Variants in DOCK8 observed in about 807,000 individuals in gnomAD.
DOCK8 encodes dedicator of cytokinesis protein 8.
Under a neutral mutation model 245.6 loss-of-function variants are expected in DOCK8, and 141 were observed. The ratio of observed to expected loss-of-function variants is 0.57; its 90% confidence interval spans 0.50 to 0.66. The LOEUF (loss-of-function observed/expected upper bound fraction) is 0.66, where lower values mean the gene tolerates loss of function less well. Ranked by LOEUF, DOCK8 falls within the 30% of genes least tolerant of loss-of-function variation. The pLI, the probability that DOCK8 is intolerant of heterozygous loss-of-function variation, is 0.00. For missense variants in DOCK8, 2,965 were observed against 2,603.4 expected, an observed-to-expected ratio of 1.14 and a Z score of -3.02; for synonymous variants, 1,168 against 970.2, an observed-to-expected ratio of 1.20 and a Z score of -3.79.
chr9:261,986 A>G (rs1288742203), intron 1 of DOCK8, among the ~76,000 whole-genome samples: 5 of 136,028 alleles, frequency 3.7e-5, no homozygotes, highest in Non-Finnish European at 7.8e-5. Flanking sequence ...AAATGTGTCA[A>G]AAGAAAGAAG....
At chr9:431,987 A>G (rs1339091529) in intron 36 of DOCK8, among the ~76,000 whole-genome samples, 179 bp from the exon 37 acceptor site, 1 of 152,310 alleles carries the variant, frequency 6.6e-6, no homozygotes, top group Admixed American at 6.5e-5. Flanking sequence ...AACCATTTAA[A>G]CAACAATATG....
intron 4 of DOCK8, among the ~76,000 whole-genome samples, chr9:289,968 C>G (rs2048972464): frequency 6.6e-6 from 1 of 152,160 alleles, no homozygotes; most frequent in South Asian, 2.1e-4. Flanking sequence ...TGTGTTCCAC[C>G]TGTTCATCCT....
chr9:286,083 G>C (rs1563876318), intron 2 of DOCK8, among the ~76,000 whole-genome samples: 1 of 152,170 alleles, frequency 6.6e-6, no homozygotes, highest in Non-Finnish European at 1.5e-5. Flanking sequence ...CCGTTCCCTA[G>C]TTCACTGTAT....
intron 22 of DOCK8, 86 bp downstream of exon 22, chr9:382,771 C>G (rs549760045): frequency 4.6e-6 from 7 of 1,514,492 alleles, no homozygotes; most frequent in Admixed American, 1.9e-5. Context: ...GAAGCAACCA[C>G]TACTGCTGCC....
chr9:458,205 C>G (rs1200722840), intron 46 of DOCK8: 2 of 152,234 alleles, frequency 1.3e-5, no homozygotes, highest in Admixed American at 6.5e-5. Flanking sequence ...AATCCTTTGC[C>G]ATGCCATCCT....
intron 39 of DOCK8, among the ~76,000 whole-genome samples, chr9:435,481 C>G (rs1240421715): frequency 6.6e-6 from 1 of 152,126 alleles, no homozygotes; most frequent in Non-Finnish European, 1.5e-5. Flanking sequence ...CACTTAAACT[C>G]TTTTTCAAAG....
intron 1 of DOCK8, among the ~76,000 whole-genome samples, chr9:222,591 C>G (rs1436098574): frequency 1.3e-5 from 2 of 152,136 alleles, no homozygotes; most frequent in African/African-American, 4.8e-5. Context: ...TGCCTGTAAC[C>G]TCTTCCTGTT....
At chr9:400,655 T>A (rs1462510504) in intron 26 of DOCK8, among the ~76,000 whole-genome samples, 61 of 68,874 alleles carry the variant, frequency 8.9e-4, no homozygotes, top group South Asian at 1.7e-3. Context: ...CACCACCACC[T>A]CCACCACCAC....
At chr9:226,844 A>C (rs1302784371) in intron 1 of DOCK8, among the ~76,000 whole-genome samples, 2 of 152,216 alleles carry the variant, frequency 1.3e-5, no homozygotes, top group East Asian at 3.8e-4. Context: ...CTGGATATTT[A>C]AGTTTGCAAG....
chr9:428,639 A>ACTT, intron 35 of DOCK8, 143 bp downstream of exon 35: 7 of 1,072,332 alleles, frequency 6.5e-6, no homozygotes, highest in Non-Finnish European at 9.6e-6. Context: ...TCCTAGGAAG[A>ACTT]AAGCAGATGC....
In DOCK8 at chr9:316,020, C is replaced by T. The variant is rs1199997936; in HGVS notation, c.742-1023C>T. On this transcript the variant is annotated intron_variant, in intron 6 of 47. Coordinates refer to ENST00000432829, the MANE Select transcript of DOCK8 (RefSeq NM_203447.4). ...CATTCCACCCAGCAACATGGCCAAC[C>T]GCCGTAACCACAAGGAATGGGGACC... Among the ~76,000 whole-genome samples, 4 of 152,278 alleles carry T rather than the reference C, an allele frequency of 2.6e-5. No individual in the cohort carries two copies. In the South Asian group the frequency reaches 6.2e-4, roughly 24 times the overall value.
intron 5 of DOCK8, among the ~76,000 whole-genome samples, chr9:307,142 T>C (rs1461094865): frequency 6.6e-6 from 1 of 152,064 alleles, no homozygotes; most frequent in Non-Finnish European, 1.5e-5. Context: ...TAGTGCTCCC[T>C]ATTGACAGAA....
At chr9:216,218 C>T (rs1286738520) in intron 1 of DOCK8, among the ~76,000 whole-genome samples, 2 of 151,892 alleles carry the variant, frequency 1.3e-5, no homozygotes, top group Non-Finnish European at 2.9e-5. Context: ...ATGTTGGAGG[C>T]CAAAAGGTAC....
rs879752309 is a variant in DOCK8, at chr9:299,871, A to C, written c.405-4710A>C. On this transcript the variant is annotated intron_variant, in intron 4 of 47. Coordinates refer to ENST00000432829, the MANE Select transcript of DOCK8 (RefSeq NM_203447.4). Reference sequence around the variant, plus strand: ...CCCGTCTCTACTAAAAATACAAAAAAATTAGCTGGCTGTGGTGGTGGGCGC... The same window carrying C: ...CCCGTCTCTACTAAAAATACAAAAACATTAGCTGGCTGTGGTGGTGGGCGC... Among the ~76,000 whole-genome samples the C allele has an allele frequency of 2.0e-5, 3 of 152,046 alleles. No homozygotes were observed. The East Asian group carries it at 5.9e-4, about 30-fold the overall frequency.
At chr9:398,890 A>T (rs911550117) in intron 25 of DOCK8, among the ~76,000 whole-genome samples, 2 of 152,234 alleles carry the variant, frequency 1.3e-5, no homozygotes, top group Non-Finnish European at 2.9e-5. Flanking sequence ...AATTATACAC[A>T]TATAAATATG....
chr9:396,362 G>C (rs1032517844), intron 24 of DOCK8, among the ~76,000 whole-genome samples: 2 of 152,164 alleles, frequency 1.3e-5, no homozygotes, highest in South Asian at 2.1e-4. Context: ...TTCAGGAACA[G>C]AAAAGACTTT....
rs140191380 is a variant in DOCK8 at position 221,920 on chromosome 9, A to G, written c.53+6891A>G. 3.7e-3 allele frequency among the ~76,000 whole-genome samples: 561 copies of G among 152,178 alleles called. 1 individual carries two copies. The highest frequency in any genetic ancestry group is 7.0e-3 in the Non-Finnish European group (474 of 68,002). ...GTATAAAATCCTGTTGATTAGATGT[A>G]AAATGATTTATTAAATTAATTTTCT... is the stretch of plus-strand genomic sequence containing the variant. On this transcript the variant is annotated intron_variant, in intron 1 of 47. Coordinates refer to ENST00000432829, the MANE Select transcript of DOCK8 (RefSeq NM_203447.4).
intron 5 of DOCK8, among the ~76,000 whole-genome samples, chr9:310,554 G>T (rs1318697170): frequency 6.6e-6 from 1 of 152,156 alleles, no homozygotes; most frequent in African/African-American, 2.4e-5. Flanking sequence ...CACCTCCCGG[G>T]TTCAAGCGAT....
In DOCK8 at chr9:302,553, G is replaced by A. The variant is rs373618156; in HGVS notation, c.405-2028G>A. Among the ~76,000 whole-genome samples the A allele has an allele frequency of 1.4e-3, 217 of 152,282 alleles. 4 individuals carry two copies. The South Asian group carries it at 0.042, about 30-fold the overall frequency. ...CACAGCAGAAGAAACTATCAACAGA[G>A]TAAACTGATAACCAACTGAATAGGA... On this transcript the variant is annotated intron_variant, in intron 4 of 47. Transcript: ENST00000432829.
Sources: gnomAD v4.1 joint callset for allele counts (sites outside exome capture counted in the v4.1 genomes callset) on GRCh38, gnomAD v4.1.1 for gene constraint, MANE v1.5 for transcripts, NCBI Gene and HGNC (gene_info 2026-07-23, HGNC 2026-07-21) for gene names.